The following AGBL1 variants were observed in gnomAD, a reference collection of about 807,000 sequenced individuals.
AGBL1 encodes the protein cytosolic carboxypeptidase 4.
AGBL1 carries 130 observed loss-of-function variants against 118.9 expected under a neutral mutation model. The observed-to-expected ratio is 1.09, with a 90% CI of 0.95 to 1.26. AGBL1 has a LOEUF of 1.26. Among genes scored for constraint, AGBL1 ranks in the 50% most tolerant of loss-of-function variants. AGBL1 has a pLI of 0.00. For synonymous variants in AGBL1, 555 were observed against 478.9 expected (o/e 1.16, Z -2.08); for missense variants, 1,584 against 1,298.1 (o/e 1.22, Z -3.38).
chr15:86,518,129 T>G (rs17618568), intron 18 of AGBL1, among the ~76,000 whole-genome samples: 5,018 of 152,162 alleles, frequency 0.033, 126 homozygotes, highest in South Asian at 0.091. Flanking sequence ...GGATGGGAGA[T>G]TTTTGAATCC....
intron 22 of AGBL1, among the ~76,000 whole-genome samples, chr15:86,904,471 T>A (rs897688462): frequency 3.3e-5 from 5 of 150,654 alleles, no homozygotes; most frequent in African/African-American, 1.2e-4. Context: ...TTAGAATGCT[T>A]ACATTGCATT....
rs142650938 is a variant in AGBL1, at chr15:86,732,298, G to A, written c.3158+57862G>A. Among the ~76,000 whole-genome samples the A allele has an allele frequency of 3.4e-3, 521 of 152,238 alleles. 1 individual carries two copies. The highest frequency in any genetic ancestry group is 0.011 in the African/African-American group (464 of 41,542). On this transcript the variant is annotated intron_variant, in intron 22 of 22. Transcript: ENST00000614907. ...ATTTGTTTATGTGATGTTTTCCAGC[G>A]TTATAGGTTTTATTAGTAATAGGTT... is the stretch of plus-strand genomic sequence containing the variant.
rs1365226012 is a variant in AGBL1, at chr15:86,786,119, ATTATAC to A, written c.3158+111686_3158+111691del. The stretch of plus-strand genomic sequence containing the variant: ...TTCTGGATTATTTTATTTTATTATT[ATTATAC>A]TTTAAGTTTTAGGGTACATGTGCAC... On this transcript the variant is annotated intron_variant, in intron 22 of 22. Coordinates refer to ENST00000614907, the MANE Select transcript of AGBL1 (RefSeq NM_001386094.1). Among the ~76,000 whole-genome samples the A allele has an allele frequency of 7.2e-5, 11 of 152,044 alleles. No homozygotes were observed. The South Asian group carries it at 2.1e-3, about 29-fold the overall frequency.
chr15:86,404,726 G>A (rs566064312), intron 18 of AGBL1, among the ~76,000 whole-genome samples: 15 of 152,172 alleles, frequency 9.9e-5, no homozygotes, highest in Non-Finnish European at 2.2e-4. Flanking sequence ...TTCTACATGG[G>A]ATTATGCAGA....
At chr15:86,221,023 A>C (rs1041086923) in intron 5 of AGBL1, among the ~76,000 whole-genome samples, 2 of 151,994 alleles carry the variant, frequency 1.3e-5, no homozygotes, top group African/African-American at 4.8e-5. Flanking sequence ...AACATGGTGA[A>C]ACCCCGTCTC....
intron 21 of AGBL1, among the ~76,000 whole-genome samples, chr15:86,629,742 G>GA (rs147469297): frequency 0.12 from 17,539 of 151,472 alleles, 1,152 homozygotes; most frequent in East Asian, 0.15. Flanking sequence ...AAAGAAACAG[G>GA]AAAAAAAACC....
intron 22 of AGBL1, among the ~76,000 whole-genome samples, chr15:86,897,647 T>C (rs1255887712): frequency 1.3e-5 from 2 of 151,968 alleles, no homozygotes; most frequent in African/African-American, 2.4e-5. Flanking sequence ...TCACTGATTT[T>C]CCCCCCAGTG....
At chr15:86,955,674 G>T (rs986039022) in intron 23 of AGBL1, among the ~76,000 whole-genome samples, 3 of 152,074 alleles carry the variant, frequency 2.0e-5, no homozygotes. Flanking sequence ...TCTTGGAAAG[G>T]TACTATGAAA....
At chr15:86,213,932 C>G (rs2078143642) in intron 5 of AGBL1, among the ~76,000 whole-genome samples, 1 of 152,182 alleles carries the variant, frequency 6.6e-6, no homozygotes, top group African/African-American at 2.4e-5. Flanking sequence ...CCCTTCCCCT[C>G]AACCCCTGGT....
chr15:86,646,375 T>C (rs1436747739), intron 21 of AGBL1, among the ~76,000 whole-genome samples: 1 of 152,216 alleles, frequency 6.6e-6, no homozygotes, highest in Non-Finnish European at 1.5e-5. Context: ...TGTTAGACCC[T>C]AGACAGTCCT....
intron 21 of AGBL1, among the ~76,000 whole-genome samples, chr15:86,568,138 G>A (rs537014557): frequency 6.6e-6 from 1 of 152,078 alleles, no homozygotes; most frequent in East Asian, 1.9e-4. Context: ...ATATCCCATT[G>A]AGAGTTTAAA....
At chr15:86,810,569 G>A (rs935015541) in intron 22 of AGBL1, among the ~76,000 whole-genome samples, 6 of 152,174 alleles carry the variant, frequency 3.9e-5, no homozygotes, top group African/African-American at 1.4e-4. Context: ...TTATAGTCCT[G>A]GCAGGACTAA....
Position 86,397,025 on chromosome 15 carries a change from C to A in AGBL1, c.2375-341C>A, listed in dbSNP as rs534332363. On this transcript the variant is annotated intron_variant, in intron 17 of 22. Coordinates refer to ENST00000614907, the MANE Select transcript of AGBL1 (RefSeq NM_001386094.1). ...TACCTTCATACTTTCTTGAGTCTTG[C>A]AGACCACAGAGGAAGATAGAAAATG... is the stretch of plus-strand genomic sequence containing the variant. Among the ~76,000 whole-genome samples, 7 of 152,244 alleles carry A rather than the reference C, an allele frequency of 4.6e-5. No homozygotes were observed. The South Asian group carries it at 6.2e-4, about 14-fold the overall frequency.
intron 22 of AGBL1, among the ~76,000 whole-genome samples, chr15:86,790,360 A>T (rs1264889852): frequency 6.6e-6 from 1 of 151,814 alleles, no homozygotes; most frequent in African/African-American, 2.4e-5. Context: ...ACACACACAC[A>T]CACACACGCA....
Position 86,630,883 on chromosome 15 carries a change from G to A in AGBL1, c.2995-43390G>A, listed in dbSNP as rs187457668. On this transcript the variant is annotated intron_variant, in intron 21 of 22. Coordinates refer to ENST00000614907, the MANE Select transcript of AGBL1 (RefSeq NM_001386094.1). ...TCTTGGATCTGTTCAAACCCGGAGA[G>A]CGCACCAACAGATAACATGAGGAGG... Among the ~76,000 whole-genome samples, 602 of 152,328 alleles carry A rather than the reference G, an allele frequency of 4.0e-3. 4 individuals are homozygous for A. The highest frequency in any genetic ancestry group is 6.2e-3 in the Non-Finnish European group (424 of 68,032).
At chr15:86,203,365 A>T (rs560283884) in intron 5 of AGBL1, among the ~76,000 whole-genome samples, 1 of 152,348 alleles carries the variant, frequency 6.6e-6, no homozygotes, top group Non-Finnish European at 1.5e-5. Flanking sequence ...AAAACTTTTC[A>T]TTGATAACTT....
intron 1 of AGBL1, among the ~76,000 whole-genome samples, chr15:86,132,079 T>TAG (rs1386116883): frequency 6.6e-6 from 1 of 152,088 alleles, no homozygotes. Context: ...GGGAAGACCA[T>TAG]TACCCACTAC....
At chr15:86,258,614 G>A (rs968838462) in intron 9 of AGBL1, among the ~76,000 whole-genome samples, 2 of 152,182 alleles carry the variant, frequency 1.3e-5, no homozygotes, top group Non-Finnish European at 2.9e-5. Flanking sequence ...AGGCTTTGTG[G>A]ACCATACAGT....
chr15:86,982,959 C>G (rs749775172), intron 23 of AGBL1, among the ~76,000 whole-genome samples: 1 of 152,146 alleles, frequency 6.6e-6, no homozygotes, highest in Admixed American at 6.5e-5. Context: ...TTGTCTAGAT[C>G]AGAATACGCC....
Sources: allele counts gnomAD v4.1 joint callset (sites outside exome capture counted in the v4.1 genomes callset), GRCh38; gene constraint gnomAD v4.1.1; transcripts MANE v1.5; gene names NCBI Gene and HGNC (gene_info 2026-07-23, HGNC 2026-07-21).